Variants in DOCK4 observed in about 807,000 individuals in gnomAD.
DOCK4 encodes the protein dedicator of cytokinesis protein 4.
In DOCK4, 97 loss-of-function variants were observed where a neutral mutation model predicts 268.1. The ratio of observed to expected loss-of-function variants is 0.36; its 90% CI spans 0.31 to 0.43. The LOEUF (loss-of-function observed/expected upper bound fraction) is 0.43, where lower values mean the gene tolerates loss of function less well. DOCK4 is among the 20% of genes least tolerant of loss of function. The pLI is 1.00. For missense variants in DOCK4, 2,145 were observed against 2,455.7 expected (o/e 0.87, Z 2.67); for synonymous variants, 954 against 887.2 (o/e 1.08, Z -1.34).
rs769440225 is a variant in DOCK4, at chr7:111,847,028, C to T, written c.2572G>A (p.Val858Ile). 1.4e-5 allele frequency: 22 copies of T among 1,613,446 alleles called. No homozygotes were observed. The highest frequency in any genetic ancestry group is 6.7e-5 in the Admixed American group (4 of 59,980). ...CTATTTTTCTTGATAAGACAAAATA[C>T]GTTGCTAAGGATACGTGCACACATG... ...LIMCARILSN[V>I]FCLIKKNSSE... Residue 858 changes from valine to isoleucine, a missense_variant, in exon 24 of 53, where the codon GTA becomes ATA. This residue lies in a region of DOCK4 where 1,598 missense variants were observed against 1,986.7 expected (regional missense o/e 0.80). Transcript: ENST00000428084.
chr7:111,869,496 G>T, intron 21 of DOCK4, 78 bp downstream of exon 21: 2 of 1,270,284 alleles, frequency 1.6e-6, no homozygotes, highest in Non-Finnish European at 2.3e-6. Context: ...TACTGTCTGT[G>T]TAGAGGAACC....
chr7:111,778,308 TAG>T lies in DOCK4; in HGVS notation c.3645_3646del (p.Tyr1216Ter). 1 of 1,613,152 alleles carries T rather than the reference TAG, an allele frequency of 6.2e-7. No homozygotes were observed. The highest frequency in any genetic ancestry group is 1.1e-5 in the South Asian group (1 of 91,054). ...GTTCTGTGCTTTGAGATGCAGATCA[TAG>T]AGTTTGTGAATGTAGCGTATATACA... On this transcript the variant is annotated frameshift_variant, in exon 36 of 53. Coordinates refer to ENST00000428084, the MANE Select transcript of DOCK4 (RefSeq NM_001363540.2). LOFTEE classifies it high-confidence loss of function.
intron 30 of DOCK4, among the ~76,000 whole-genome samples, chr7:111,791,440 G>A (rs1435571344): frequency 2.0e-5 from 3 of 151,120 alleles, no homozygotes; most frequent in South Asian, 2.1e-4. Flanking sequence ...AATTTTTCTC[G>A]AGTGTCTGTT....
intron 1 of DOCK4, among the ~76,000 whole-genome samples, chr7:112,075,700 C>T (rs549455198): frequency 7.2e-5 from 11 of 152,146 alleles, no homozygotes; most frequent in Admixed American, 2.6e-4. Context: ...TGGATGTAAA[C>T]ACACTATGCC....
intron 1 of DOCK4, among the ~76,000 whole-genome samples, chr7:112,067,231 A>G (rs7809158): frequency 6.7e-6 from 1 of 149,808 alleles, no homozygotes; most frequent in Non-Finnish European, 1.5e-5. Context: ...GAAAAAAAAA[A>G]CACCTTTACT....
intron 23 of DOCK4, among the ~76,000 whole-genome samples, chr7:111,855,586 A>G (rs570430190): frequency 6.0e-4 from 91 of 152,256 alleles, no homozygotes; most frequent in African/African-American, 2.2e-3. Context: ...CCGAGGAGAG[A>G]TCTGGCCTAG....
intron 43 of DOCK4, 62 bp downstream of exon 43, chr7:111,747,205 C>T: frequency 2.6e-6 from 4 of 1,518,098 alleles, no homozygotes; most frequent in Non-Finnish European, 3.6e-6. Context: ...AAAAAAGATT[C>T]ATGAAACCCT....
chr7:112,089,496 C>T (rs1358534646), intron 1 of DOCK4, among the ~76,000 whole-genome samples: 2 of 152,094 alleles, frequency 1.3e-5, no homozygotes, highest in East Asian at 1.9e-4. Flanking sequence ...AACTTAAAAC[C>T]AATGACTTTA....
intron 8 of DOCK4, among the ~76,000 whole-genome samples, chr7:111,954,457 A>G (rs1796299304): frequency 6.6e-6 from 1 of 152,152 alleles, no homozygotes; most frequent in Non-Finnish European, 1.5e-5. Flanking sequence ...GAAGAGACCC[A>G]AGGGCCTTCT....
chr7:111,847,635 T>C (rs116031985), intron 23 of DOCK4, among the ~76,000 whole-genome samples: 1,681 of 152,334 alleles, frequency 0.011, 33 homozygotes, highest in African/African-American at 0.038. Context: ...GTAGTGAATA[T>C]GTCTCACAAG....
intron 1 of DOCK4, among the ~76,000 whole-genome samples, chr7:112,194,965 C>A (rs536143071): frequency 6.6e-6 from 1 of 152,176 alleles, no homozygotes; most frequent in African/African-American, 2.4e-5. Flanking sequence ...ACAATTAATA[C>A]AAATATAGTT....
chr7:111,846,590 G>A (rs1804125965), intron 24 of DOCK4, among the ~76,000 whole-genome samples: 3 of 150,402 alleles, frequency 2.0e-5, no homozygotes, highest in African/African-American at 7.5e-5. Context: ...ATTTCCAGGG[G>A]ACCCGGCCCA....
intron 25 of DOCK4, among the ~76,000 whole-genome samples, chr7:111,843,000 A>C (rs1480177473): frequency 6.6e-6 from 1 of 152,252 alleles, no homozygotes; most frequent in Non-Finnish European, 1.5e-5. Flanking sequence ...TGTCTTGGTC[A>C]TAAGAGAAAA....
chr7:111,777,668 A>G (rs940108974), intron 36 of DOCK4, among the ~76,000 whole-genome samples: 1 of 152,156 alleles, frequency 6.6e-6, no homozygotes, highest in Non-Finnish European at 1.5e-5. Context: ...CTTCAATTGT[A>G]GCTGCCACAA....
chr7:112,003,946 G>A, intron 2 of DOCK4, 102 bp downstream of exon 2: 1 of 788,334 alleles, frequency 1.3e-6, no homozygotes, highest in South Asian at 2.6e-5. Flanking sequence ...ATGACTTGTG[G>A]TGACTACTGG....
chr7:111,766,173 G>A (rs1175020901), intron 38 of DOCK4, among the ~76,000 whole-genome samples: 1 of 152,204 alleles, frequency 6.6e-6, no homozygotes, highest in Non-Finnish European at 1.5e-5. Context: ...CATGTTAGGA[G>A]AAGTATCGAT....
At chr7:112,070,569 G>A (rs1265366377) in intron 1 of DOCK4, among the ~76,000 whole-genome samples, 1 of 152,124 alleles carries the variant, frequency 6.6e-6, no homozygotes, top group Non-Finnish European at 1.5e-5. Context: ...AGGAGTAGTT[G>A]AATATTTAGG....
rs369067378 is a variant in DOCK4 at position 111,807,330 on chromosome 7, G to C, written c.3166+1491C>G. ...TCTTTAGGAAAAACAAGGACACAAAGAATCAATGAAACCTGAAAACACTGA... is the reference window on the plus strand; with the variant it reads ...TCTTTAGGAAAAACAAGGACACAAACAATCAATGAAACCTGAAAACACTGA... On this transcript the variant is annotated intron_variant, in intron 30 of 52. Coordinates refer to ENST00000428084, the MANE Select transcript of DOCK4 (RefSeq NM_001363540.2). Among the ~76,000 whole-genome samples the C allele has an allele frequency of 9.9e-5, 15 of 152,238 alleles. No individual in the cohort carries two copies. In the East Asian group the frequency reaches 2.3e-3, roughly 23 times the overall value.
At chr7:111,764,298 C>T (rs1797637623) in intron 39 of DOCK4, among the ~76,000 whole-genome samples, 1 of 152,216 alleles carries the variant, frequency 6.6e-6, no homozygotes, top group African/African-American at 2.4e-5. Context: ...TCTCCAAGTA[C>T]ACCCATCCTA....
Sources: allele counts gnomAD v4.1 joint callset (sites outside exome capture counted in the v4.1 genomes callset), GRCh38; gene constraint gnomAD v4.1.1; regional missense constraint gnomAD v4.1.1; transcripts MANE v1.5; gene names NCBI Gene and HGNC (gene_info 2026-07-23, HGNC 2026-07-21).